CNTN3: variants seen among roughly 807,000 people sequenced by gnomAD.
CNTN3 encodes contactin-3.
CNTN3 carries 60 observed loss-of-function variants against 119.1 expected under a neutral mutation model. The observed-to-expected ratio is 0.50, with a 90% CI of 0.41 to 0.62. The LOEUF is 0.62. CNTN3 is among the 20% of genes least tolerant of loss of function. The pLI, the probability that CNTN3 is intolerant of heterozygous loss-of-function variation, is 0.00. For synonymous variants in CNTN3, 450 were observed against 438.7 expected, an observed-to-expected ratio of 1.03 and a Z score of -0.32; for missense variants, 1,101 against 1,242.4, an observed-to-expected ratio of 0.89 and a Z score of 1.71.
intron 5 of CNTN3, among the ~76,000 whole-genome samples, chr3:74,397,269 T>G (rs1337934489): frequency 1.3e-5 from 2 of 152,236 alleles, no homozygotes; most frequent in Non-Finnish European, 2.9e-5. Context: ...AGTCCATTGT[T>G]GAGACCTACT....
chr3:74,298,236 A>G, intron 17 of CNTN3, 45 bp from the exon 18 acceptor site: 1 of 1,262,386 alleles, frequency 7.9e-7, no homozygotes, highest in Non-Finnish European at 1.1e-6. Context: ...CATAAGGGCA[A>G]GGCAAAAATG....
intron 5 of CNTN3, among the ~76,000 whole-genome samples, chr3:74,410,888 C>T (rs1342848986): frequency 6.6e-6 from 1 of 152,068 alleles, no homozygotes; most frequent in African/African-American, 2.4e-5. Context: ...TTTTCTCCTC[C>T]AGATTTCATA....
intron 5 of CNTN3, among the ~76,000 whole-genome samples, chr3:74,373,975 C>G (rs948903951): frequency 6.6e-6 from 1 of 152,108 alleles, no homozygotes; most frequent in Non-Finnish European, 1.5e-5. Context: ...GCACAGAACA[C>G]AGTTGACTGA....
At chr3:74,550,831 T>G (rs1260142964) in intron 1 of CNTN3, among the ~76,000 whole-genome samples, 2 of 152,208 alleles carry the variant, frequency 1.3e-5, no homozygotes, top group African/African-American at 4.8e-5. Flanking sequence ...CATGAGCCAC[T>G]GTACCGGCCA....
intron 4 of CNTN3, among the ~76,000 whole-genome samples, chr3:74,436,479 T>C (rs1575723446): frequency 6.6e-6 from 1 of 152,172 alleles, no homozygotes; most frequent in African/African-American, 2.4e-5. Context: ...TTGTGCCTGG[T>C]AGCTGCTCTC....
intron 5 of CNTN3, among the ~76,000 whole-genome samples, chr3:74,407,041 T>C (rs1222868586): frequency 1.3e-5 from 2 of 152,142 alleles, no homozygotes; most frequent in Admixed American, 6.5e-5. Context: ...CGAGGATGTA[T>C]AGAATAATGT....
intron 11 of CNTN3, among the ~76,000 whole-genome samples, chr3:74,356,927 T>G (rs539569967): frequency 1.3e-5 from 2 of 152,224 alleles, no homozygotes; most frequent in South Asian, 4.1e-4. Context: ...GATTATTTAC[T>G]TATTTATTTA....
At chr3:74,490,823 G>A (rs903699262) in intron 3 of CNTN3, among the ~76,000 whole-genome samples, 4 of 152,136 alleles carry the variant, frequency 2.6e-5, no homozygotes, top group African/African-American at 9.7e-5. Flanking sequence ...AAGTATTAGT[G>A]TATTCACGTT....
chr3:74,569,497 G>C (rs779429763), intron 1 of CNTN3, among the ~76,000 whole-genome samples: 1 of 152,138 alleles, frequency 6.6e-6, no homozygotes, highest in Non-Finnish European at 1.5e-5. Flanking sequence ...CCCAGGGAAC[G>C]TTTCTCTTGG....
At chr3:74,276,273 C>G (rs893529732) in intron 20 of CNTN3, among the ~76,000 whole-genome samples, 1 of 152,096 alleles carries the variant, frequency 6.6e-6, no homozygotes, top group Non-Finnish European at 1.5e-5. Flanking sequence ...TTAAACTATA[C>G]TTTGGAACAA....
chr3:74,576,830 C>A (rs1575841107), intron 1 of CNTN3, among the ~76,000 whole-genome samples: 2 of 151,896 alleles, frequency 1.3e-5, no homozygotes, highest in East Asian at 3.9e-4. Flanking sequence ...TCAAATAAAG[C>A]CTTAAATCGT....
At chr3:74,439,686 G>GA (rs1215934889) in intron 4 of CNTN3, among the ~76,000 whole-genome samples, 1 of 152,126 alleles carries the variant, frequency 6.6e-6, no homozygotes, top group Non-Finnish European at 1.5e-5. Flanking sequence ...CTAACAGGGA[G>GA]AAAACAGAGA....
At chr3:74,444,536 T>C (rs1702018448) in intron 4 of CNTN3, among the ~76,000 whole-genome samples, 1 of 150,816 alleles carries the variant, frequency 6.6e-6, no homozygotes. Flanking sequence ...TGTTTACTTA[T>C]AAGTTTCTAG....
intron 1 of CNTN3, among the ~76,000 whole-genome samples, chr3:74,545,658 T>C (rs1328816354): frequency 2.6e-5 from 4 of 152,206 alleles, no homozygotes; most frequent in Non-Finnish European, 5.9e-5. Flanking sequence ...TTTTTTCTGA[T>C]ACAGGATAAT....
At chr3:74,598,103 A>T (rs2106699209) in intron 1 of CNTN3, among the ~76,000 whole-genome samples, 1 of 152,012 alleles carries the variant, frequency 6.6e-6, no homozygotes, top group African/African-American at 2.4e-5. Flanking sequence ...TGTTTCTCCT[A>T]CTCTTGATTC....
At chr3:74,532,385 T>C (rs919965651) in intron 1 of CNTN3, among the ~76,000 whole-genome samples, 1 of 151,994 alleles carries the variant, frequency 6.6e-6, no homozygotes, top group African/African-American at 2.4e-5. Flanking sequence ...AAACTGCAGA[T>C]AGTACCAAAC....
chr3:74,560,306 G>T (rs975338976), intron 1 of CNTN3, among the ~76,000 whole-genome samples: 1 of 152,104 alleles, frequency 6.6e-6, no homozygotes, highest in Non-Finnish European at 1.5e-5. Context: ...CCTGATAAGG[G>T]TTATCACTTA....
intron 12 of CNTN3, 52 bp from the exon 13 acceptor site, chr3:74,334,962 C>T (rs1404746753): frequency 1.4e-6 from 2 of 1,416,250 alleles, no homozygotes; most frequent in Admixed American, 1.8e-5. Flanking sequence ...TGATAAAAGA[C>T]ATTTGCACAG....
At chr3:74,270,005 A>T (rs182957842) in intron 20 of CNTN3, among the ~76,000 whole-genome samples, 1 of 152,192 alleles carries the variant, frequency 6.6e-6, no homozygotes, top group Admixed American at 6.6e-5. Context: ...GTTAAATTTT[A>T]TGTTATGTGT....
Sources: allele counts gnomAD v4.1 joint callset (sites outside exome capture counted in the v4.1 genomes callset), GRCh38; gene constraint gnomAD v4.1.1; transcripts MANE v1.5; gene names NCBI Gene and HGNC (gene_info 2026-07-23, HGNC 2026-07-21).